The following ITGA9 variants were observed in gnomAD, a reference collection of about 807,000 sequenced individuals.
ITGA9 encodes integrin subunit alpha 9, also known as integrin alpha-9.
Under a neutral mutation model 127.8 loss-of-function variants are expected in ITGA9, and 56 were observed. The ratio of observed to expected loss-of-function variants is 0.44; its 90% CI spans 0.35 to 0.55. The LOEUF (loss-of-function observed/expected upper bound fraction) is 0.55. Among genes scored for constraint, ITGA9 ranks in the 20% least tolerant of loss-of-function variants. The pLI, the probability that ITGA9 is intolerant of heterozygous loss-of-function variation, is 0.00. For synonymous variants in ITGA9, 508 were observed against 514.5 expected, an observed-to-expected ratio of 0.99 and a Z score of 0.17; for missense variants, 1,196 against 1,347.1, an observed-to-expected ratio of 0.89 and a Z score of 1.76.
In ITGA9 at chr3:37,473,441, A is replaced by G; in HGVS notation, c.401A>G (p.Lys134Arg). The G allele has an allele frequency of 1.2e-6, 2 of 1,613,896 alleles. No homozygotes were observed. Among genetic ancestry groups the G allele is most frequent in the Non-Finnish European group, 1.7e-6 (2 of 1,179,794 alleles). Reference sequence around the variant, plus strand: ...GGGGTGAGCCTGGCCCGACAGCCCAAGGCTGATGGCCGTGTGTTGGTAAGT... The same window carrying G: ...GGGGTGAGCCTGGCCCGACAGCCCAGGGCTGATGGCCGTGTGTTGGTAAGT... Reference protein sequence around the residue: ...WMGVSLARQPKADGRVLACAH... With the variant: ...WMGVSLARQPRADGRVLACAH... The change falls in exon 3 of 28, where the codon AAG becomes AGG. Residue 134 changes from lysine to arginine, a missense_variant. Coordinates refer to ENST00000264741, the MANE Select transcript of ITGA9 (RefSeq NM_002207.3).
At chr3:37,666,636 T>C (rs1399939707) in intron 17 of ITGA9, among the ~76,000 whole-genome samples, 4 of 152,238 alleles carry the variant, frequency 2.6e-5, no homozygotes, top group Non-Finnish European at 4.4e-5. Flanking sequence ...AGAGCAGCAG[T>C]GCACTAGACC....
chr3:37,543,207 A>G (rs1699292877), intron 15 of ITGA9, among the ~76,000 whole-genome samples: 1 of 152,212 alleles, frequency 6.6e-6, no homozygotes. Context: ...TGGCCCTTGC[A>G]GCAGGCGCTG....
chr3:37,709,734 G>C (rs1452375375), intron 18 of ITGA9, among the ~76,000 whole-genome samples: 1 of 152,190 alleles, frequency 6.6e-6, no homozygotes, highest in Non-Finnish European at 1.5e-5. Flanking sequence ...TCACCTTCAC[G>C]CTTTGTCTTT....
At chr3:37,575,180 C>T (rs1376278503) in intron 15 of ITGA9, among the ~76,000 whole-genome samples, 1 of 152,098 alleles carries the variant, frequency 6.6e-6, no homozygotes, top group Non-Finnish European at 1.5e-5. Context: ...GCCACTCATC[C>T]TAGGGCATTC....
chr3:37,697,624 TG>T (rs1700899770), intron 18 of ITGA9, among the ~76,000 whole-genome samples: 1 of 152,096 alleles, frequency 6.6e-6, no homozygotes, highest in South Asian at 2.1e-4. Context: ...CTCAGAATGA[TG>T]GTTTCCAGCT....
At chr3:37,687,541 A>G (rs748805790) in intron 18 of ITGA9, among the ~76,000 whole-genome samples, 2 of 152,232 alleles carry the variant, frequency 1.3e-5, no homozygotes, top group Non-Finnish European at 2.9e-5. Flanking sequence ...AAAAATATTT[A>G]AAACATTTTA....
chr3:37,765,100 G>C (rs2685105), intron 23 of ITGA9, among the ~76,000 whole-genome samples: 149,514 of 152,186 alleles, frequency 0.98, 73,501 homozygotes, highest in Middle Eastern at 1. Context: ...AGTGAGTGGT[G>C]AGACAAATGA....
chr3:37,750,850 A>G (rs186166410), intron 23 of ITGA9, among the ~76,000 whole-genome samples: 2 of 152,380 alleles, frequency 1.3e-5, no homozygotes, highest in Admixed American at 6.5e-5. Flanking sequence ...AACCCCCAGC[A>G]GCATCTGCAG....
In ITGA9 at chr3:37,513,690, G is replaced by C. The variant is rs1268159562; in HGVS notation, c.898-73G>C. 17 of 1,591,540 alleles carry C rather than the reference G, an allele frequency of 1.1e-5. No homozygotes were observed. The East Asian group carries it at 3.8e-4, about 36-fold the overall frequency. ...GAGGGATGTTTCTAAAGCCAATGGGGTGGAGGAAAGCGAGGGCATCCTTGT... is the reference window on the plus strand; with the variant it reads ...GAGGGATGTTTCTAAAGCCAATGGGCTGGAGGAAAGCGAGGGCATCCTTGT... On this transcript the variant is annotated intron_variant, in intron 8 of 27. Transcript: ENST00000264741.
intron 17 of ITGA9, among the ~76,000 whole-genome samples, chr3:37,656,130 G>A (rs932077485): frequency 3.3e-5 from 5 of 152,194 alleles, no homozygotes; most frequent in African/African-American, 1.2e-4. Context: ...GTAGCATGAT[G>A]CCTCCAGCTT....
intron 16 of ITGA9, among the ~76,000 whole-genome samples, chr3:37,640,900 AATG>A (rs766523008): frequency 2.4e-4 from 36 of 152,228 alleles, no homozygotes; most frequent in Non-Finnish European, 4.3e-4. Context: ...GAAGCCCGGA[AATG>A]ATGAGGCAGC....
intron 15 of ITGA9, among the ~76,000 whole-genome samples, chr3:37,602,806 C>G (rs932522393): frequency 6.6e-6 from 1 of 152,166 alleles, no homozygotes; most frequent in African/African-American, 2.4e-5. Context: ...CACCATTCCT[C>G]TGATTTTTGC....
chr3:37,512,138 T>C (rs1178394855), intron 8 of ITGA9, among the ~76,000 whole-genome samples: 8 of 13,304 alleles, frequency 6.0e-4, no homozygotes, highest in African/African-American at 2.0e-3. Context: ...TCTTTTCTTT[T>C]CTTTTCTTTT....
At chr3:37,485,611 C>T (rs1310614987) in intron 4 of ITGA9, among the ~76,000 whole-genome samples, 1 of 152,070 alleles carries the variant, frequency 6.6e-6, no homozygotes, top group Non-Finnish European at 1.5e-5. Context: ...CAGCTGTGCT[C>T]CTTTACAACA....
chr3:37,471,954 C>T (rs1407766366), intron 2 of ITGA9, among the ~76,000 whole-genome samples: 2 of 151,844 alleles, frequency 1.3e-5, no homozygotes, highest in Non-Finnish European at 2.9e-5. Context: ...CTCAGGAGGC[C>T]GAGGCAGGAG....
At chr3:37,655,594 C>T (rs928321469) in intron 17 of ITGA9, among the ~76,000 whole-genome samples, 4 of 151,980 alleles carry the variant, frequency 2.6e-5, no homozygotes, top group Non-Finnish European at 5.9e-5. Flanking sequence ...TGGATATTAG[C>T]CCTTTGTCAG....
intron 19 of ITGA9, 21 bp downstream of exon 19, chr3:37,732,819 C>A: frequency 1.3e-6 from 2 of 1,568,826 alleles, no homozygotes; most frequent in Non-Finnish European, 1.7e-6. Context: ...CAGACGGGAC[C>A]CTTCCTCAGC....
chr3:37,726,901 G>C (rs186107387), intron 18 of ITGA9, among the ~76,000 whole-genome samples: 35 of 152,336 alleles, frequency 2.3e-4, no homozygotes, highest in African/African-American at 7.9e-4. Context: ...GTAATGTGCA[G>C]ATGCTCCTTG....
chr3:37,721,497 ACT>A (rs1395559519), intron 18 of ITGA9, among the ~76,000 whole-genome samples: 1 of 152,040 alleles, frequency 6.6e-6, no homozygotes, highest in Admixed American at 6.6e-5. Flanking sequence ...ATTTGTTTTG[ACT>A]CTAGCTTTTG....
Sources: gnomAD v4.1 joint callset for allele counts (sites outside exome capture counted in the v4.1 genomes callset) on GRCh38, gnomAD v4.1.1 for gene constraint, MANE v1.5 for transcripts, NCBI Gene and HGNC (gene_info 2026-07-23, HGNC 2026-07-21) for gene names.